Variants in NRXN1 observed in about 807,000 individuals in gnomAD.
NRXN1 encodes the protein neurexin 1.
In NRXN1, 39 loss-of-function variants were observed where a neutral mutation model predicts 150.9. The ratio of observed to expected loss-of-function variants is 0.26; its 90% CI spans 0.20 to 0.34. The LOEUF (loss-of-function observed/expected upper bound fraction) is 0.34, where lower values mean the gene tolerates loss of function less well. NRXN1 is among the 10% of genes least tolerant of loss of function. The pLI is 1.00. For synonymous variants in NRXN1, 924 were observed against 757.0 expected (o/e 1.22, Z -3.62); for missense variants, 1,815 against 1,949.9 (o/e 0.93, Z 1.30).
chr2:50,664,578 A>C (rs1687765642), intron 5 of NRXN1, among the ~76,000 whole-genome samples: 1 of 151,866 alleles, frequency 6.6e-6, no homozygotes. Context: ...GATTCGCTTG[A>C]AAAATTTAGC....
intron 21 of NRXN1, among the ~76,000 whole-genome samples, chr2:49,982,434 T>G (rs916709723): frequency 6.6e-6 from 1 of 151,994 alleles, no homozygotes; most frequent in Admixed American, 6.6e-5. Flanking sequence ...TAACTCTTAG[T>G]TGAATTAGTA....
intron 5 of NRXN1, among the ~76,000 whole-genome samples, chr2:50,669,386 A>G (rs553166046): frequency 6.6e-6 from 1 of 152,032 alleles, no homozygotes; most frequent in Admixed American, 6.6e-5. Context: ...ACTCATTGCA[A>G]TAGAAATAAA....
chr2:50,138,575 T>C (rs1706757786), intron 18 of NRXN1, among the ~76,000 whole-genome samples: 1 of 152,242 alleles, frequency 6.6e-6, no homozygotes, highest in Non-Finnish European at 1.5e-5. Flanking sequence ...TAAATTATCA[T>C]GTCTCACTGC....
intron 17 of NRXN1, among the ~76,000 whole-genome samples, chr2:50,403,710 T>G (rs1198491781): frequency 6.6e-6 from 1 of 152,166 alleles, no homozygotes; most frequent in Non-Finnish European, 1.5e-5. Flanking sequence ...AATACTAATT[T>G]TAAGGTAATC....
intron 5 of NRXN1, among the ~76,000 whole-genome samples, chr2:50,682,370 C>G (rs559736134): frequency 2.6e-5 from 4 of 152,042 alleles, no homozygotes; most frequent in African/African-American, 9.7e-5. Flanking sequence ...GTTTACTATC[C>G]CATGTCTTCT....
chr2:50,239,435 G>T (rs1187673164), intron 17 of NRXN1, among the ~76,000 whole-genome samples: 1 of 150,680 alleles, frequency 6.6e-6, no homozygotes, highest in Non-Finnish European at 1.5e-5. Flanking sequence ...AATTATATAA[G>T]TGTGAGGTAA....
chr2:50,281,195 T>C (rs534630237), intron 17 of NRXN1, among the ~76,000 whole-genome samples: 67 of 148,830 alleles, frequency 4.5e-4, no homozygotes, highest in Middle Eastern at 7.0e-3. Flanking sequence ...GCGGCGCCTG[T>C]GGTCCCAGCT....
At chr2:50,038,441 A>G (rs1690385892) in intron 21 of NRXN1, among the ~76,000 whole-genome samples, 1 of 152,136 alleles carries the variant, frequency 6.6e-6, no homozygotes. Context: ...ACCCACATGT[A>G]AGATAATAAG....
rs116160434 is a variant in NRXN1, at chr2:50,203,322, A to C, written c.3546+33467T>G. 8.6e-3 allele frequency among the ~76,000 whole-genome samples: 1,303 copies of C among 152,256 alleles called. 23 individuals are homozygous for C. The highest frequency in any genetic ancestry group is 0.03 in the African/African-American group (1,231 of 41,558). On this transcript the variant is annotated intron_variant, in intron 18 of 22. Transcript: ENST00000401669. ...CTAGTGTAGGAAACAAACTCTGAAA[A>C]ACCAACAGTCAAATGAGCTCTACAG... is the stretch of plus-strand genomic sequence containing the variant.
At chr2:50,231,626 G>A (rs2064949911) in intron 18 of NRXN1, among the ~76,000 whole-genome samples, 1 of 152,074 alleles carries the variant, frequency 6.6e-6, no homozygotes, top group Non-Finnish European at 1.5e-5. Context: ...ATGCTCCCAA[G>A]ATGAAAGGAT....
chr2:50,548,025 G>A (rs1243948695), intron 9 of NRXN1: 1 of 152,106 alleles, frequency 6.6e-6, no homozygotes, highest in Non-Finnish European at 1.5e-5. Context: ...ACACATAAAG[G>A]TGTTATTTCT....
rs147139535 is a variant in NRXN1, at chr2:50,506,952, G to C, written c.2375-335C>G. The C allele has an allele frequency of 3.3e-3, 665 of 199,562 alleles. 14 individuals are homozygous for C. Among genetic ancestry groups the C allele is most frequent in the Admixed American group, 0.033 (552 of 16,910 alleles). The allele number at this position is 199,562 out of a possible 1,614,324, so 12.4% of individuals were successfully genotyped here. On this transcript the variant is annotated intron_variant, in intron 12 of 22. Transcript: ENST00000401669. ...AATAGGCACAGTCAATACAGCACTG[G>C]GAACCCACCCAAATTTACACACACA...
intron 2 of NRXN1, among the ~76,000 whole-genome samples, chr2:50,975,141 C>G (rs928857314): frequency 1.3e-5 from 2 of 152,056 alleles, no homozygotes; most frequent in East Asian, 1.9e-4. Context: ...TTTCCAGAAG[C>G]TACATGATTT....
intron 15 of NRXN1, among the ~76,000 whole-genome samples, chr2:50,490,032 A>C (rs2091156769): frequency 6.6e-6 from 1 of 152,240 alleles, no homozygotes; most frequent in Admixed American, 6.5e-5. Context: ...ATGTGGCAGA[A>C]GAGAAACAGT....
chr2:50,172,299 A>G (rs975720731), intron 18 of NRXN1, among the ~76,000 whole-genome samples: 1 of 152,140 alleles, frequency 6.6e-6, no homozygotes, highest in African/African-American at 2.4e-5. Context: ...TTTAATTAGA[A>G]AAATAGAAGT....
intron 17 of NRXN1, among the ~76,000 whole-genome samples, chr2:50,343,872 T>G (rs1425085338): frequency 6.6e-6 from 1 of 152,216 alleles, no homozygotes; most frequent in African/African-American, 2.4e-5. Flanking sequence ...TGTCTTACGA[T>G]TCACAGAAAT....
chr2:50,324,691 G>T (rs1261081563), intron 17 of NRXN1, among the ~76,000 whole-genome samples: 1 of 152,150 alleles, frequency 6.6e-6, no homozygotes, highest in Admixed American at 6.5e-5. Flanking sequence ...GCAGGCGCCC[G>T]CCATCGCGCC....
intron 2 of NRXN1, among the ~76,000 whole-genome samples, chr2:50,987,962 T>A (rs1241012455): frequency 6.6e-6 from 1 of 152,020 alleles, no homozygotes; most frequent in African/African-American, 2.4e-5. Context: ...ATTAATTTTT[T>A]AGGCCAGGTT....
chr2:50,620,072 C>T lies in NRXN1; in HGVS notation c.1270G>A (p.Asp424Asn), dbSNP rs1156480841. 3.1e-6 allele frequency: 5 copies of T among 1,611,972 alleles called. No homozygotes were observed. Among genetic ancestry groups the T allele is most frequent in the Admixed American group, 3.3e-5 (2 of 59,784 alleles). ...TTACTGACTGGTGACCCTGGAAGGTCGGCTGTGCTGGGACTGCCTCCAACA... is the reference window on the plus strand; with the variant it reads ...TTACTGACTGGTGACCCTGGAAGGTTGGCTGTGCTGGGACTGCCTCCAACA... ...FYVGGSPSTA[D>N]LPGSPVSNNF... The change falls in exon 8 of 23, where the codon GAC becomes AAC. Residue 424 changes from aspartate (D) to asparagine (N), a missense_variant. By Grantham distance (23) the Asp-to-Asn change is conservative (BLOSUM62 1). Coordinates refer to ENST00000401669, the MANE Select transcript of NRXN1 (RefSeq NM_001330078.2).
Sources: allele counts gnomAD v4.1 joint callset (sites outside exome capture counted in the v4.1 genomes callset), GRCh38; gene constraint gnomAD v4.1.1; transcripts MANE v1.5; gene names NCBI Gene and HGNC (gene_info 2026-07-23, HGNC 2026-07-21).